The following SLCO1C1 variants were observed in gnomAD, a reference collection of about 807,000 sequenced individuals.
SLCO1C1 encodes OAT-RP-5.
A neutral mutation model predicts 76.4 loss-of-function variants in SLCO1C1; 70 were observed. The ratio of observed to expected loss-of-function variants is 0.92; its 90% CI spans 0.76 to 1.12. The LOEUF is 1.12. SLCO1C1 is among the 50% of genes most tolerant of loss of function. SLCO1C1 has a pLI of 0.00. For missense variants in SLCO1C1, 912 were observed against 823.8 expected, an observed-to-expected ratio of 1.11 and a Z score of -1.31; for synonymous variants, 306 against 286.1, an observed-to-expected ratio of 1.07 and a Z score of -0.70.
At chr12:20,752,089 T>C (rs901597638) in intron 14 of SLCO1C1, among the ~76,000 whole-genome samples, 1 of 152,170 alleles carries the variant, frequency 6.6e-6, no homozygotes, top group South Asian at 2.1e-4. Context: ...ACTGATTATG[T>C]AATTAGTAGT....
chr12:20,726,218 C>G (rs1319439132), intron 9 of SLCO1C1, among the ~76,000 whole-genome samples: 1 of 151,182 alleles, frequency 6.6e-6, no homozygotes. Context: ...TTCTCTCTTT[C>G]TTTTCTTCTT....
intron 7 of SLCO1C1, among the ~76,000 whole-genome samples, chr12:20,721,099 A>T (rs983455324): frequency 1.3e-5 from 2 of 151,994 alleles, no homozygotes; most frequent in Non-Finnish European, 2.9e-5. Context: ...CCTGATGAAG[A>T]TGCTGTGAAC....
At chr12:20,743,427 T>A (rs1948909471) in intron 13 of SLCO1C1, 58 bp downstream of exon 13, 3 of 1,373,790 alleles carry the variant, frequency 2.2e-6, no homozygotes, top group Non-Finnish European at 3.1e-6. Flanking sequence ...TTTGAAGACT[T>A]TTCTAAATAT....
intron 13 of SLCO1C1, among the ~76,000 whole-genome samples, chr12:20,744,153 A>T (rs1338449377): frequency 1.3e-5 from 2 of 152,064 alleles, no homozygotes; most frequent in East Asian, 3.9e-4. Context: ...AAACAAAAAT[A>T]GGGTTATATG....
At chr12:20,733,547 C>T (rs1427553230) in intron 10 of SLCO1C1, among the ~76,000 whole-genome samples, 2 of 152,176 alleles carry the variant, frequency 1.3e-5, no homozygotes, top group Non-Finnish European at 2.9e-5. Context: ...ATGCTACTTG[C>T]CTGACACAAG....
rs549103046 is a variant in SLCO1C1 at position 20,741,295 on chromosome 12, C to A, written c.1733+927C>A. Among the ~76,000 whole-genome samples the A allele has an allele frequency of 2.6e-5, 4 of 152,200 alleles. No homozygotes were observed. The South Asian group carries it at 8.3e-4, about 32-fold the overall frequency. On this transcript the variant is annotated intron_variant, in intron 12 of 14. Coordinates refer to ENST00000266509, the MANE Select transcript of SLCO1C1 (RefSeq NM_017435.5). ...GCCAGACCATATCAAGGACTTCAAC[C>A]ATTTTTGCTTATAAAACCCTAAACA...
rs1385093446 is a variant in SLCO1C1, at chr12:20,733,068, A to C, written c.1346A>C (p.Asn449Thr). The change falls in exon 10 of 15, where the codon AAT becomes ACT. Residue 449 changes from asparagine (N) to threonine (T), a missense_variant. By Grantham distance (65) the Asn-to-Thr change is moderately conservative. Transcript: ENST00000266509. ...TCCCTGTTTGCACTGGGCTGTGAAA[A>C]TTCTGATGTGGCAGGACTAACTGTC... ...FLSLFALGCE[N>T]SDVAGLTVSY... 6.2e-6 allele frequency: 10 copies of C among 1,605,826 alleles called. No individual in the cohort carries two copies. The highest frequency in any genetic ancestry group is 2.7e-5 in the African/African-American group (2 of 74,552).
chr12:20,712,314 G>GTAGA (rs1947148458), intron 5 of SLCO1C1, among the ~76,000 whole-genome samples: 1 of 152,138 alleles, frequency 6.6e-6, no homozygotes, highest in Admixed American at 6.5e-5. Flanking sequence ...CTATATCACT[G>GTAGA]TAGACACTGG....
At chr12:20,731,519 C>T (rs746560518) in intron 9 of SLCO1C1, among the ~76,000 whole-genome samples, 1 of 152,200 alleles carries the variant, frequency 6.6e-6, no homozygotes, top group Non-Finnish European at 1.5e-5. Context: ...TTATTTTTTA[C>T]TACAGCAAAT....
chr12:20,705,328 G>T (rs1350255587), intron 3 of SLCO1C1, among the ~76,000 whole-genome samples: 1 of 151,954 alleles, frequency 6.6e-6, no homozygotes, highest in Admixed American at 6.6e-5. Flanking sequence ...ATAGGCATAT[G>T]TTGAGGTTAT....
chr12:20,717,493 C>T (rs1013663619), intron 7 of SLCO1C1, among the ~76,000 whole-genome samples: 1 of 151,548 alleles, frequency 6.6e-6, no homozygotes, highest in Non-Finnish European at 1.5e-5. Context: ...TAAATGCATT[C>T]CAGCATAGTT....
chr12:20,720,890 G>C (rs967218702), intron 7 of SLCO1C1, among the ~76,000 whole-genome samples: 3 of 151,794 alleles, frequency 2.0e-5, no homozygotes, highest in African/African-American at 7.3e-5. Context: ...CCAGCTACTA[G>C]GGAGGCTAAG....
chr12:20,697,130 G>T (rs1437738557), intron 1 of SLCO1C1: 1 of 151,572 alleles, frequency 6.6e-6, no homozygotes, highest in Admixed American at 6.6e-5. Context: ...TAGCATTCTA[G>T]ATGTAACACT....
intron 5 of SLCO1C1, among the ~76,000 whole-genome samples, chr12:20,713,181 G>A (rs571323868): frequency 4.0e-5 from 6 of 150,390 alleles, no homozygotes; most frequent in African/African-American, 9.8e-5. Context: ...CCGGGTTCAC[G>A]CCATTCTCCT....
intron 7 of SLCO1C1, among the ~76,000 whole-genome samples, chr12:20,717,565 A>G (rs935146776): frequency 7.3e-6 from 1 of 136,998 alleles, no homozygotes; most frequent in Non-Finnish European, 1.5e-5. Context: ...AACATTTTTT[A>G]TAGTTACATC....
chr12:20,742,463 A>G (rs1207911163), intron 12 of SLCO1C1, among the ~76,000 whole-genome samples: 1 of 152,078 alleles, frequency 6.6e-6, no homozygotes, highest in Admixed American at 6.6e-5. Flanking sequence ...TAGGCCAATC[A>G]GTTTAAGCTT....
At chr12:20,729,066 C>A (rs1948155474) in intron 9 of SLCO1C1, among the ~76,000 whole-genome samples, 1 of 152,016 alleles carries the variant, frequency 6.6e-6, no homozygotes. Flanking sequence ...ATTTTTAGAT[C>A]AACACATTTT....
At chr12:20,717,778 G>A (rs1390008717) in intron 7 of SLCO1C1, among the ~76,000 whole-genome samples, 1 of 147,176 alleles carries the variant, frequency 6.8e-6, no homozygotes, top group Non-Finnish European at 1.5e-5. Flanking sequence ...TGCTTGTGTA[G>A]GAAATAAATG....
intron 9 of SLCO1C1, among the ~76,000 whole-genome samples, chr12:20,724,153 G>C (rs1389168632): frequency 6.6e-6 from 1 of 151,524 alleles, no homozygotes; most frequent in Non-Finnish European, 1.5e-5. Context: ...AACATCAATT[G>C]ATTTAAATTA....
Sources: allele counts gnomAD v4.1 joint callset (sites outside exome capture counted in the v4.1 genomes callset), GRCh38; gene constraint gnomAD v4.1.1; transcripts MANE v1.5; gene names NCBI Gene and HGNC (gene_info 2026-07-23, HGNC 2026-07-21).